KEAP1: variants seen among roughly 807,000 people sequenced by gnomAD.
The protein encoded by KEAP1 is kelch like ECH associated protein 1, also known as kelch-like ECH-associated protein 1.
A neutral mutation model predicts 59.7 loss-of-function variants in KEAP1; 26 were observed. The ratio of observed to expected loss-of-function variants is 0.44; its 90% confidence interval spans 0.32 to 0.60. The LOEUF (loss-of-function observed/expected upper bound fraction) is 0.60. KEAP1 is among the 20% of genes least tolerant of loss of function. KEAP1 has a pLI of 0.06. For synonymous variants in KEAP1, 350 were observed against 358.3 expected, an observed-to-expected ratio of 0.98 and a Z score of 0.26; for missense variants, 539 against 871.4, an observed-to-expected ratio of 0.62 and a Z score of 4.80.
Position 10,502,762 on chromosome 19 carries a change from T to TG in KEAP1, c.-48+478dup, listed in dbSNP as rs1346858688. 1 of 151,636 alleles carries TG rather than the reference T, an allele frequency of 6.6e-6. No homozygotes were observed. The highest frequency in any genetic ancestry group is 6.6e-5 in the Admixed American group (1 of 15,254). 9.4% of individuals were successfully genotyped at this position (151,636 alleles called of 1,614,324 possible). A position where few individuals can be genotyped will look rare whatever the true frequency, so the allele number is the denominator to read the frequency against. On this transcript the variant is annotated intron_variant, in intron 1 of 5. Coordinates refer to ENST00000171111, the MANE Select transcript of KEAP1 (RefSeq NM_203500.2). The surrounding 1 kb of genome is among the most constrained non-coding windows in gnomAD (Gnocchi z 4.0). ...GCCCCGGCGCCTCCATCGCTGCGCG[T>TG]GGGGGAGGCGCGGAGCGCGCGCAGG...
chr19:10,497,117 C>G (rs1457724039), intron 2 of KEAP1, among the ~76,000 whole-genome samples: 2 of 147,744 alleles, frequency 1.4e-5, no homozygotes, highest in Non-Finnish European at 3.0e-5. Flanking sequence ...GAGTGAGACT[C>G]CGTCTCAAAA....
chr19:10,489,117 AAAAG>A, intron 5 of KEAP1, 71 bp downstream of exon 5: 10 of 1,123,898 alleles, frequency 8.9e-6, no homozygotes, highest in East Asian at 5.2e-5. Flanking sequence ...AAAAAAAAAA[AAAAG>A]GAAAGCAAAA....
In KEAP1 at chr19:10,492,188, G is replaced by A. The variant is rs1307515867; in HGVS notation, c.714C>T (p.Asn238=). The A allele has an allele frequency of 1.2e-6, 2 of 1,613,924 alleles. No homozygotes were observed. The highest frequency in any genetic ancestry group is 1.7e-6 in the Non-Finnish European group (2 of 1,180,028). Residue 238 remains asparagine (N), a synonymous_variant, in exon 3 of 6, where the codon AAC becomes AAT. Coordinates refer to ENST00000171111, the MANE Select transcript of KEAP1 (RefSeq NM_203500.2). The part of the protein sequence containing the change: ...LVTLISRDDL[N]VRCESEVFHA... ...GGAAGACCTCGGACTCGCAGCGCACGTTCAGGTCGTCCCGGCTGATGAGGG... is the reference window on the plus strand; with the variant it reads ...GGAAGACCTCGGACTCGCAGCGCACATTCAGGTCGTCCCGGCTGATGAGGG...
chr19:10,486,292 T>C lies in KEAP1; in HGVS notation c.*360A>G, dbSNP rs1330462638. Reference sequence around the variant, plus strand: ...AGGGGGCCTCCCCCTGAGGCCCCCATTGGCCCCCTCCCAGGTATCCAAGAA... The same window carrying C: ...AGGGGGCCTCCCCCTGAGGCCCCCACTGGCCCCCTCCCAGGTATCCAAGAA... On this transcript the variant is annotated 3_prime_UTR_variant, in exon 6 of 6. Coordinates refer to ENST00000171111, the MANE Select transcript of KEAP1 (RefSeq NM_203500.2). 20 of 254,560 alleles carry C rather than the reference T, an allele frequency of 7.9e-5. No homozygotes were observed. The highest frequency in any genetic ancestry group is 2.9e-4 in the East Asian group (5 of 17,060). The allele number at this position is 254,560 out of a possible 1,614,324, so 15.8% of individuals were successfully genotyped here. A position where few individuals can be genotyped will look rare whatever the true frequency, so the allele number is the denominator to read the frequency against.
chr19:10,489,811 C>T lies in KEAP1; in HGVS notation c.1368G>A (p.Met456Ile). The T allele has an allele frequency of 6.2e-7, 1 of 1,614,140 alleles. No homozygotes were observed. The highest frequency in any genetic ancestry group is 8.5e-7 in the Non-Finnish European group (1 of 1,180,018). ...CGCCCACCCCGATCCTTCGTGTCAGCATTGGGGCCACCAAGTGCCACTCAT... is the reference window on the plus strand; with the variant it reads ...CGCCCACCCCGATCCTTCGTGTCAGTATTGGGGCCACCAAGTGCCACTCAT... ...ERDEWHLVAP[M>I]LTRRIGVGVA... The change falls in exon 4 of 6, where the codon ATG becomes ATA. Residue 456 changes from methionine (M) to isoleucine (I), a missense_variant. Coordinates refer to ENST00000171111, the MANE Select transcript of KEAP1 (RefSeq NM_203500.2).
intron 1 of KEAP1, 66 bp from the exon 2 acceptor site, chr19:10,500,146 G>A (rs1451297590): frequency 1.9e-5 from 22 of 1,180,558 alleles, no homozygotes; most frequent in East Asian, 2.6e-5. Flanking sequence ...GCCGGGCCTC[G>A]TTTTGCAAGA....
At chr19:10,487,634 G>A (rs1914510786) in intron 5 of KEAP1, among the ~76,000 whole-genome samples, 1 of 151,230 alleles carries the variant, frequency 6.6e-6, no homozygotes, top group South Asian at 2.1e-4. Flanking sequence ...CCAGCCTGGT[G>A]ACAGAGCAAG....
intron 2 of KEAP1, among the ~76,000 whole-genome samples, chr19:10,493,858 G>A (rs765571220): frequency 6.6e-5 from 10 of 151,934 alleles, no homozygotes; most frequent in Non-Finnish European, 7.4e-5. Flanking sequence ...ACCTCGCCTG[G>A]CCAGTCTTGA....
chr19:10,491,804 G>A lies in KEAP1; in HGVS notation c.1098C>T (p.Ala366=), dbSNP rs1914682241. The stretch of plus-strand genomic sequence containing the variant: ...ACAACAGCCCGCCCACCACGCAGCC[G>A]GCCAGGCCGCTCCGCGGCACCTGCA... ...ADLQVPRSGL[A]GCVVGGLLYA... Residue 366 remains alanine, a synonymous_variant, in exon 3 of 6, where the codon GCC becomes GCT. Transcript: ENST00000171111. This position sits in a 1 kb window ranked among gnomAD's most constrained non-coding sequence, Gnocchi z 5.2. 1.3e-6 allele frequency: 2 copies of A among 1,595,808 alleles called. No homozygotes were observed. Among genetic ancestry groups the A allele is most frequent in the Admixed American group, 1.8e-5 (1 of 56,840 alleles).
chr19:10,500,189 G>A (rs566860083), intron 1 of KEAP1, 109 bp from the exon 2 acceptor site: 1 of 775,912 alleles, frequency 1.3e-6, no homozygotes. Context: ...TTCCTGCAAA[G>A]TAGGTGAAGC....
At chr19:10,493,806 C>T (rs1914761385) in intron 2 of KEAP1, among the ~76,000 whole-genome samples, 1 of 151,778 alleles carries the variant, frequency 6.6e-6, no homozygotes. Flanking sequence ...CGTGATCCGC[C>T]CGCCTCGGCC....
At position 10,491,276 on chromosome 19, in the gene KEAP1, C is replaced by T. The variant is rs568564492; in HGVS notation, c.1325+301G>A. 6.6e-6 allele frequency among the ~76,000 whole-genome samples: 1 copy of T among 152,154 alleles called. No homozygotes were observed. The highest frequency in any genetic ancestry group is 6.6e-5 in the Admixed American group (1 of 15,262). Reference sequence around the variant, plus strand: ...CCTCCCACCTCAGCCTCCCAAAGTCCCTGATTATAGGTATGGGCCACAGTG... The same window carrying T: ...CCTCCCACCTCAGCCTCCCAAAGTCTCTGATTATAGGTATGGGCCACAGTG... On this transcript the variant is annotated intron_variant, in intron 3 of 5. Coordinates refer to ENST00000171111, the MANE Select transcript of KEAP1 (RefSeq NM_203500.2). This position sits in a 1 kb window ranked among gnomAD's most constrained non-coding sequence, Gnocchi z 5.2.
Position 10,499,799 on chromosome 19 carries a change from C to T in KEAP1, c.235G>A (p.Val79Ile), listed in dbSNP as rs759406594. 5.6e-6 allele frequency: 9 copies of T among 1,613,978 alleles called. No individual in the cohort carries two copies. Among genetic ancestry groups the T allele is most frequent in the African/African-American group, 1.3e-5 (1 of 74,940 alleles). ...ELRLSQQLCDVTLQVKYQDAP... is the reference protein window; with the variant it reads ...ELRLSQQLCDITLQVKYQDAP... ...TCCTGGTACTTGACCTGCAGTGTGA[C>T]GTCACACAGCTGCTGGCTGAGCCGC... Residue 79 changes from valine (V) to isoleucine (I), a missense_variant, in exon 2 of 6, where the codon GTC becomes ATC. By Grantham distance (29) the Val-to-Ile change is conservative (BLOSUM62 3). Around this residue, in one of 4 missense-constraint regions of KEAP1, gnomAD observed 166 missense variants for 295.8 expected, o/e 0.56. Transcript: ENST00000171111. This position sits in a 1 kb window ranked among gnomAD's most constrained non-coding sequence, Gnocchi z 6.7.
At chr19:10,488,548 G>T (rs1914548928) in intron 5 of KEAP1, among the ~76,000 whole-genome samples, 1 of 151,820 alleles carries the variant, frequency 6.6e-6, no homozygotes, top group Admixed American at 6.6e-5. Flanking sequence ...GGAGGCGGAG[G>T]TTGCAGTGAG....
chr19:10,486,642 CA>C lies in KEAP1; in HGVS notation c.*9del. On this transcript the variant is annotated 3_prime_UTR_variant, in exon 6 of 6. Transcript: ENST00000171111. The stretch of plus-strand genomic sequence containing the variant: ...TTGGACTGTATTTTTGCCCAAGAAA[CA>C]AAAGTGCCTCAACAGGTACAGTTCT... 9 of 1,611,528 alleles carry C rather than the reference CA, an allele frequency of 5.6e-6. No individual in the cohort carries two copies. The highest frequency in any genetic ancestry group is 6.8e-6 in the Non-Finnish European group (8 of 1,178,872).
chr19:10,500,653 A>G (rs148571025), intron 1 of KEAP1, among the ~76,000 whole-genome samples: 1,690 of 151,844 alleles, frequency 0.011, 32 homozygotes, highest in African/African-American at 0.039. Flanking sequence ...GCATTGTGAC[A>G]ACGTGAGAAT....
chr19:10,487,138 G>A (rs1174804809), intron 5 of KEAP1, among the ~76,000 whole-genome samples: 1 of 151,436 alleles, frequency 6.6e-6, no homozygotes, highest in Non-Finnish European at 1.5e-5. Context: ...GAGTCCAGGA[G>A]TTTGAGACCA....
intron 2 of KEAP1, among the ~76,000 whole-genome samples, chr19:10,495,451 AC>A (rs1364277710): frequency 1.3e-5 from 2 of 152,206 alleles, no homozygotes; most frequent in Non-Finnish European, 2.9e-5. Flanking sequence ...TAATCCCAGC[AC>A]TTTGGGAGGC....
rs747277438 is a variant in KEAP1, at chr19:10,499,954, GC to G, written c.79del (p.Ala27GlnfsTer5). The G allele has an allele frequency of 1.2e-6, 2 of 1,605,786 alleles. No homozygotes were observed. Among genetic ancestry groups the G allele is most frequent in the Non-Finnish European group, 1.7e-6 (2 of 1,174,338 alleles). On this transcript the variant is annotated frameshift_variant, in exon 2 of 6. Coordinates refer to ENST00000171111, the MANE Select transcript of KEAP1 (RefSeq NM_203500.2). LOFTEE classifies it high-confidence loss of function. The surrounding 1 kb of genome is among the most constrained non-coding windows in gnomAD (Gnocchi z 6.7). The part of the protein sequence containing the change: ...LPLQSQCPEG[A>X]GDAVMYASTE... ...GGAGGCGTACATCACCGCGTCCCCT[GC>G]CCCCTCAGGGCACTGTGACTGCAGG...
Sources: allele counts gnomAD v4.1 joint callset (sites outside exome capture counted in the v4.1 genomes callset), GRCh38; gene constraint gnomAD v4.1.1; regional missense constraint gnomAD v4.1.1; non-coding constraint Gnocchi (gnomAD v3.1); transcripts MANE v1.5; gene names NCBI Gene and HGNC (gene_info 2026-07-23, HGNC 2026-07-21).